PCDH9: variants seen among roughly 807,000 people sequenced by gnomAD.
PCDH9 encodes the protein protocadherin-9.
PCDH9 carries 24 observed loss-of-function variants against 70.6 expected under a neutral mutation model. The observed-to-expected ratio is 0.34, with a 90% confidence interval of 0.25 to 0.48. The LOEUF (loss-of-function observed/expected upper bound fraction) is 0.48, where lower values mean the gene tolerates loss of function less well. PCDH9 is among the 20% of genes least tolerant of loss of function. The probability of loss-of-function intolerance (pLI) is 0.99; values close to 1 mark genes in which losing one functional copy is unlikely to be tolerated. For missense variants in PCDH9, 1,281 were observed against 1,503.6 expected, an observed-to-expected ratio of 0.85 and a Z score of 2.45; for synonymous variants, 562 against 558.5, an observed-to-expected ratio of 1.01 and a Z score of -0.09.
chr13:66,306,342 C>T (rs887520402), intron 4 of PCDH9: 1 of 149,824 alleles, frequency 6.7e-6, no homozygotes, highest in Non-Finnish European at 1.5e-5. Context: ...AAAAAAATTC[C>T]CACCGAGACA....
At chr13:66,617,369 C>T (rs952424614) in intron 4 of PCDH9, among the ~76,000 whole-genome samples, 4 of 152,154 alleles carry the variant, frequency 2.6e-5, no homozygotes, top group African/African-American at 4.8e-5. Context: ...CATCATCTTC[C>T]GTCTGTACCT....
rs960864747 is a variant in PCDH9, at chr13:66,676,987, T to C, written c.3139-45576A>G. On this transcript the variant is annotated intron_variant, in intron 3 of 4. Transcript: ENST00000377865. ...TGATTCATTTTCCAACTATTCAAAG[T>C]CGGTATGCGGATTAAAAGTTTTTTT... 9.9e-5 allele frequency among the ~76,000 whole-genome samples: 15 copies of C among 152,214 alleles called. No homozygotes were observed. The East Asian group carries it at 2.9e-3, about 29-fold the overall frequency.
intron 3 of PCDH9, among the ~76,000 whole-genome samples, chr13:66,638,628 G>A (rs2077671010): frequency 6.6e-6 from 1 of 152,048 alleles, no homozygotes; most frequent in Non-Finnish European, 1.5e-5. Flanking sequence ...AACGATTGAT[G>A]AAATCAAAAC....
chr13:67,211,606 A>T (rs1487439620), intron 2 of PCDH9: 1 of 152,136 alleles, frequency 6.6e-6, no homozygotes, highest in Non-Finnish European at 1.5e-5. Context: ...TAGCCGAATT[A>T]TGACATTTTC....
At chr13:66,414,438 A>C (rs1488645107) in intron 4 of PCDH9, among the ~76,000 whole-genome samples, 1 of 152,220 alleles carries the variant, frequency 6.6e-6, no homozygotes, top group African/African-American at 2.4e-5. Context: ...GATAGGAAAG[A>C]GTATGCTCTG....
intron 4 of PCDH9, among the ~76,000 whole-genome samples, chr13:66,568,285 CT>C (rs2076680821): frequency 1.3e-5 from 2 of 152,076 alleles, no homozygotes; most frequent in African/African-American, 4.8e-5. Context: ...TGATCATGGA[CT>C]TCCCAAACTT....
At chr13:66,944,077 T>G (rs544150055) in intron 2 of PCDH9, among the ~76,000 whole-genome samples, 1 of 152,286 alleles carries the variant, frequency 6.6e-6, no homozygotes, top group South Asian at 2.1e-4. Flanking sequence ...TTGAGAATCA[T>G]TAAGTAATTT....
intron 4 of PCDH9, among the ~76,000 whole-genome samples, chr13:66,314,989 G>A (rs1328389492): frequency 6.6e-6 from 1 of 152,206 alleles, no homozygotes; most frequent in Non-Finnish European, 1.5e-5. Context: ...TATAAGCAGA[G>A]TGTTTTCTCC....
At chr13:67,204,586 C>T (rs1387511885) in intron 2 of PCDH9, 2 of 152,182 alleles carry the variant, frequency 1.3e-5, no homozygotes, top group Non-Finnish European at 2.9e-5. Context: ...ATTTCCAATG[C>T]TCAGACTATT....
Position 67,225,160 on chromosome 13 carries a change from CTT to C in PCDH9, c.3036+243_3036+244del, listed in dbSNP as rs1025776121. 7.3e-6 allele frequency: 10 copies of C among 1,372,654 alleles called. No individual in the cohort carries two copies. The African/African-American group carries it at 1.5e-4, about 20-fold the overall frequency. The allele number at this position is 1,372,654 out of a possible 1,614,324, so 85.0% of individuals were successfully genotyped here. ...TTGGGACATTTTGGAATAATTTTCT[CTT>C]TTCATCTTTTGCCATTTGAAGGAAA... On this transcript the variant is annotated intron_variant, in intron 2 of 4. Transcript: ENST00000377865.
chr13:67,143,990 C>T (rs1420874327), intron 2 of PCDH9, among the ~76,000 whole-genome samples: 1 of 152,152 alleles, frequency 6.6e-6, no homozygotes, highest in Non-Finnish European at 1.5e-5. Flanking sequence ...TCCATCTCCT[C>T]CCTTGACAAA....
intron 3 of PCDH9, among the ~76,000 whole-genome samples, chr13:66,809,121 G>A (rs2080457940): frequency 6.6e-6 from 1 of 152,050 alleles, no homozygotes; most frequent in Non-Finnish European, 1.5e-5. Context: ...CTAATTTTTT[G>A]TATTGTTTAG....
intron 2 of PCDH9, among the ~76,000 whole-genome samples, chr13:67,124,201 T>C (rs2086931846): frequency 6.6e-6 from 1 of 152,148 alleles, no homozygotes; most frequent in Admixed American, 6.6e-5. Flanking sequence ...TGCTATCAAC[T>C]GGGGATAAGA....
intron 2 of PCDH9, among the ~76,000 whole-genome samples, chr13:66,952,222 A>T (rs1019351136): frequency 6.6e-6 from 1 of 152,156 alleles, no homozygotes; most frequent in African/African-American, 2.4e-5. Context: ...GCATTGTGGA[A>T]GGCACCTTGG....
chr13:66,471,776 C>G (rs1432869673), intron 4 of PCDH9, among the ~76,000 whole-genome samples: 1 of 152,148 alleles, frequency 6.6e-6, no homozygotes, highest in African/African-American at 2.4e-5. Flanking sequence ...TCTAGAGTTT[C>G]CTAACCATTG....
At chr13:67,018,272 A>G (rs2084601917) in intron 2 of PCDH9, among the ~76,000 whole-genome samples, 1 of 148,812 alleles carries the variant, frequency 6.7e-6, no homozygotes, top group South Asian at 2.2e-4. Flanking sequence ...TAAATGGGTA[A>G]ATTAATTGAT....
At position 66,521,559 on chromosome 13, in the gene PCDH9, G is replaced by T. The variant is rs140139933; in HGVS notation, c.3340+109651C>A. On this transcript the variant is annotated intron_variant, in intron 4 of 4. Transcript: ENST00000377865. The stretch of plus-strand genomic sequence containing the variant: ...CAGTAGGAGCACAGATACTGTTATA[G>T]TGTGTGAAAATATGGAAGATTCTGC... Among the ~76,000 whole-genome samples the T allele has an allele frequency of 1.1e-4, 16 of 152,244 alleles. No homozygotes were observed. In the East Asian group the frequency reaches 2.7e-3, roughly 26 times the overall value.
At position 66,471,703 on chromosome 13, in the gene PCDH9, G is replaced by A. The variant is rs183085179; in HGVS notation, c.3340+159507C>T. ...AAACTGAGGCAACAGAGGCTAAGTA[G>A]CTTGCTCAAATTTCCATAGCAAGTA... On this transcript the variant is annotated intron_variant, in intron 4 of 4. Coordinates refer to ENST00000377865, the MANE Select transcript of PCDH9 (RefSeq NM_203487.3). Among the ~76,000 whole-genome samples the A allele has an allele frequency of 9.9e-5, 15 of 152,242 alleles. No individual in the cohort carries two copies. In the East Asian group the frequency reaches 2.7e-3, roughly 27 times the overall value.
intron 3 of PCDH9, among the ~76,000 whole-genome samples, chr13:66,867,265 A>G (rs979078263): frequency 6.6e-6 from 1 of 152,186 alleles, no homozygotes; most frequent in Non-Finnish European, 1.5e-5. Flanking sequence ...ACTGAGGCAC[A>G]TATCTAAGGA....
Sources: allele counts gnomAD v4.1 joint callset (sites outside exome capture counted in the v4.1 genomes callset), GRCh38; gene constraint gnomAD v4.1.1; transcripts MANE v1.5; gene names NCBI Gene and HGNC (gene_info 2026-07-23, HGNC 2026-07-21).